Variants in CSMD3 observed in about 807,000 individuals in gnomAD.
CSMD3 encodes the protein CUB and sushi domain-containing protein 3.
In CSMD3, 177 loss-of-function variants were observed where a neutral mutation model predicts 435.2. The observed-to-expected ratio is 0.41, with a 90% CI of 0.36 to 0.46. The LOEUF is 0.46. CSMD3 is among the 20% of genes least tolerant of loss of function. The pLI is 0.34. For synonymous variants in CSMD3, 1,656 were observed against 1,520.5 expected, an observed-to-expected ratio of 1.09 and a Z score of -2.07; for missense variants, 4,265 against 4,504.6, an observed-to-expected ratio of 0.95 and a Z score of 1.52.
chr8:112,263,774 T>C lies in CSMD3; in HGVS notation c.9727A>G (p.Arg3243Gly), dbSNP rs2130385313. The C allele has an allele frequency of 6.2e-7, 1 of 1,613,878 alleles. No individual in the cohort carries two copies. Among genetic ancestry groups the C allele is most frequent in the Non-Finnish European group, 8.5e-7 (1 of 1,179,802 alleles). Residue 3243 changes from arginine (R) to glycine (G), a missense_variant, in exon 61 of 71, where the codon AGG (arginine) becomes GGG (glycine). This residue lies in a region of CSMD3 where 3,255 missense variants were observed against 3,380.2 expected (regional missense o/e 0.96). Coordinates refer to ENST00000297405, the MANE Select transcript of CSMD3 (RefSeq NM_198123.2). ...CAGTCGAAATTTGTTCCTTCCAGCC[T>C]TCCATTAGAGATCTGGGGAGGAGTT... ...CPTPPQISNG[R>G]LEGTNFDWGF...
rs77256475 is a variant in CSMD3, at chr8:113,378,886, A to G, written c.178+57791T>C. 6.6e-3 allele frequency among the ~76,000 whole-genome samples: 1,002 copies of G among 152,014 alleles called. 10 individuals are homozygous for G. Among genetic ancestry groups the G allele is most frequent in the African/African-American group, 0.023 (967 of 41,434 alleles). On this transcript the variant is annotated intron_variant, in intron 1 of 70. Coordinates refer to ENST00000297405, the MANE Select transcript of CSMD3 (RefSeq NM_198123.2). ...CTTCATAAGAAGCTAAACTTGAGAA[A>G]CCCTACTTTAAAGAAATTGAAAGAA...
At chr8:113,346,112 A>G (rs2094149436) in intron 1 of CSMD3, among the ~76,000 whole-genome samples, 1 of 151,892 alleles carries the variant, frequency 6.6e-6, no homozygotes, top group Non-Finnish European at 1.5e-5. Flanking sequence ...TTTATTTGTC[A>G]TTTTTCTTCC....
intron 4 of CSMD3, among the ~76,000 whole-genome samples, chr8:113,126,651 T>C (rs1403085556): frequency 6.6e-6 from 1 of 151,754 alleles, no homozygotes; most frequent in Non-Finnish European, 1.5e-5. Flanking sequence ...AAGGATAAAA[T>C]AGGAGGAAAA....
At chr8:112,519,412 C>T (rs1003870041) in intron 27 of CSMD3, among the ~76,000 whole-genome samples, 1 of 152,064 alleles carries the variant, frequency 6.6e-6, no homozygotes, top group African/African-American at 2.4e-5. Context: ...TGTAAAATCC[C>T]ATGAAATTGT....
intron 5 of CSMD3, among the ~76,000 whole-genome samples, chr8:113,050,097 T>G (rs560311661): frequency 2.4e-4 from 37 of 152,098 alleles, no homozygotes; most frequent in Non-Finnish European, 4.4e-4. Flanking sequence ...AACATAAATT[T>G]AAAAATTTAA....
At chr8:112,873,689 T>C (rs2081197951) in intron 10 of CSMD3, among the ~76,000 whole-genome samples, 1 of 152,036 alleles carries the variant, frequency 6.6e-6, no homozygotes, top group Admixed American at 6.6e-5. Context: ...GATTTTCTAG[T>C]TTATTTGTGT....
chr8:112,920,454 A>C (rs2130616386), intron 10 of CSMD3, among the ~76,000 whole-genome samples: 1 of 152,036 alleles, frequency 6.6e-6, no homozygotes, highest in African/African-American at 2.4e-5. Context: ...TCAATGAGAT[A>C]ATAGTTCTTT....
intron 2 of CSMD3, among the ~76,000 whole-genome samples, chr8:113,295,862 G>A (rs1296784411): frequency 2.0e-5 from 3 of 152,106 alleles, no homozygotes; most frequent in Non-Finnish European, 4.4e-5. Context: ...GTTTATTGCG[G>A]CACTATTCAC....
chr8:112,261,531 T>G (rs1816397131), intron 61 of CSMD3, among the ~76,000 whole-genome samples: 3 of 151,988 alleles, frequency 2.0e-5, no homozygotes, highest in Admixed American at 6.6e-5. Flanking sequence ...CATGTGTGTG[T>G]GTGTGTGCAT....
intron 31 of CSMD3, among the ~76,000 whole-genome samples, chr8:112,479,107 G>T (rs1819372349): frequency 6.6e-6 from 1 of 152,186 alleles, no homozygotes; most frequent in South Asian, 2.1e-4. Context: ...ACTACCAACT[G>T]CGAGTACAAA....
intron 7 of CSMD3, among the ~76,000 whole-genome samples, chr8:112,968,672 T>C (rs1311878486): frequency 6.6e-6 from 1 of 151,982 alleles, no homozygotes; most frequent in African/African-American, 2.4e-5. Flanking sequence ...CTTTCTCTTA[T>C]AATTGACCTA....
At chr8:113,357,494 CAATTTA>C (rs2094239334) in intron 1 of CSMD3, among the ~76,000 whole-genome samples, 1 of 152,016 alleles carries the variant, frequency 6.6e-6, no homozygotes, top group Admixed American at 6.6e-5. Flanking sequence ...TAATTTAAAT[CAATTTA>C]AATTTAAAAA....
In CSMD3 at chr8:113,251,360, T is replaced by G. The variant is rs564182550; in HGVS notation, c.514+27232A>C. ...AGGCCTCTGTTAACAGACTGTGACC[T>G]AAATCTCATACTGATCGCACAACTA... is the stretch of plus-strand genomic sequence containing the variant. On this transcript the variant is annotated intron_variant, in intron 3 of 70. Coordinates refer to ENST00000297405, the MANE Select transcript of CSMD3 (RefSeq NM_198123.2). Among the ~76,000 whole-genome samples, 4 of 152,206 alleles carry G rather than the reference T, an allele frequency of 2.6e-5. No homozygotes were observed. In the South Asian group the frequency reaches 8.3e-4, roughly 32 times the overall value.
chr8:113,354,632 T>A (rs2132936431), intron 1 of CSMD3, among the ~76,000 whole-genome samples: 1 of 152,242 alleles, frequency 6.6e-6, no homozygotes, highest in East Asian at 1.9e-4. Context: ...TTATTGTTGT[T>A]GTTTTGTTTT....
At chr8:113,346,825 T>G (rs2094154776) in intron 1 of CSMD3, among the ~76,000 whole-genome samples, 1 of 152,138 alleles carries the variant, frequency 6.6e-6, no homozygotes, top group African/African-American at 2.4e-5. Flanking sequence ...AATATAAAGA[T>G]GTTTTCTTTC....
intron 64 of CSMD3, among the ~76,000 whole-genome samples, chr8:112,246,591 A>G (rs1814742963): frequency 6.6e-6 from 1 of 152,206 alleles, no homozygotes; most frequent in South Asian, 2.1e-4. Flanking sequence ...CCAAGTGCCC[A>G]TGAATATTTC....
At chr8:112,937,592 C>T (rs538216686) in intron 9 of CSMD3, among the ~76,000 whole-genome samples, 2 of 152,152 alleles carry the variant, frequency 1.3e-5, no homozygotes, top group African/African-American at 4.8e-5. Context: ...CTCAGGTGAT[C>T]CGCCAGCCTC....
At position 113,030,417 on chromosome 8, in the gene CSMD3, T is replaced by TAAAAA. The variant is rs35890606; in HGVS notation, c.918-11243_918-11239dup. On this transcript the variant is annotated intron_variant, in intron 5 of 70. Coordinates refer to ENST00000297405, the MANE Select transcript of CSMD3 (RefSeq NM_198123.2). ...AGTCACCAAAACACTTTGGTACTGG[T>TAAAAA]AAAAAAAAAAAAAAAAAAAAAAAAA... Among the ~76,000 whole-genome samples the TAAAAA allele has an allele frequency of 7.9e-3, 191 of 24,228 alleles. 2 individuals are homozygous for TAAAAA. The highest frequency in any genetic ancestry group is 0.039 in the African/African-American group (172 of 4,462). The allele number at this position is 24,228 out of a possible 152,430, so 15.9% of individuals were successfully genotyped here.
intron 6 of CSMD3, among the ~76,000 whole-genome samples, chr8:112,992,336 G>A (rs982610969): frequency 2.6e-5 from 4 of 151,478 alleles, no homozygotes; most frequent in Non-Finnish European, 5.9e-5. Context: ...ATGATAACAC[G>A]AAGGAAAGAG....
Sources: allele counts gnomAD v4.1 joint callset (sites outside exome capture counted in the v4.1 genomes callset), GRCh38; gene constraint gnomAD v4.1.1; regional missense constraint gnomAD v4.1.1; transcripts MANE v1.5; gene names NCBI Gene and HGNC (gene_info 2026-07-23, HGNC 2026-07-21).